Variants in ITGA9 observed in about 807,000 individuals in gnomAD.
ITGA9 encodes the protein integrin alpha-9.
Under a neutral mutation model 127.8 loss-of-function variants are expected in ITGA9, and 56 were observed. That is an observed-to-expected ratio of 0.44 (90% confidence interval 0.35 to 0.55). The LOEUF is 0.55. Among genes scored for constraint, ITGA9 ranks in the 20% least tolerant of loss-of-function variants. The pLI is 0.00. For synonymous variants in ITGA9, 508 were observed against 514.5 expected, an observed-to-expected ratio of 0.99 and a Z score of 0.17; for missense variants, 1,196 against 1,347.1, an observed-to-expected ratio of 0.89 and a Z score of 1.76.
chr3:37,506,757 A>G (rs1268941536), intron 7 of ITGA9, among the ~76,000 whole-genome samples: 1 of 152,214 alleles, frequency 6.6e-6, no homozygotes, highest in African/African-American at 2.4e-5. Flanking sequence ...TTGAGTAGGT[A>G]CAGATGGATC....
intron 23 of ITGA9, among the ~76,000 whole-genome samples, chr3:37,762,926 T>C (rs926238691): frequency 5.3e-5 from 8 of 152,206 alleles, no homozygotes; most frequent in African/African-American, 1.9e-4. Flanking sequence ...TGTTCATATT[T>C]AAGAAGCCCT....
At chr3:37,813,629 C>T (rs777533259) in intron 27 of ITGA9, among the ~76,000 whole-genome samples, 1 of 152,136 alleles carries the variant, frequency 6.6e-6, no homozygotes, top group Non-Finnish European at 1.5e-5. Flanking sequence ...TTTTCTGGTT[C>T]TTGCAAATTA....
intron 15 of ITGA9, among the ~76,000 whole-genome samples, chr3:37,568,826 C>T (rs969052826): frequency 1.3e-5 from 2 of 152,226 alleles, no homozygotes; most frequent in Non-Finnish European, 2.9e-5. Context: ...CAAAGCCATT[C>T]AACAAGTCTC....
At chr3:37,763,410 T>C (rs1405280832) in intron 23 of ITGA9, among the ~76,000 whole-genome samples, 2 of 152,184 alleles carry the variant, frequency 1.3e-5, no homozygotes, top group Non-Finnish European at 2.9e-5. Context: ...TCCCCCTTGA[T>C]TTCAGCCCTG....
intron 17 of ITGA9, among the ~76,000 whole-genome samples, chr3:37,663,916 G>T (rs993466436): frequency 2.0e-5 from 3 of 152,154 alleles, no homozygotes; most frequent in African/African-American, 7.2e-5. Context: ...ATATCCAAGT[G>T]CTTCTAAAAG....
rs527515745 is a variant in ITGA9, at chr3:37,784,920, A to G, written c.2788-57A>G. 4.9e-6 allele frequency: 7 copies of G among 1,439,688 alleles called. No individual in the cohort carries two copies. The South Asian group carries it at 8.1e-5, about 17-fold the overall frequency. The allele number at this position is 1,439,688 out of a possible 1,614,324, so 89.2% of individuals were successfully genotyped here. A position where few individuals can be genotyped will look rare whatever the true frequency, so the allele number is the denominator to read the frequency against. ...TTTCAGTTCTGCCCAGTCCCTCTCA[A>G]GGCCCAGCCATTATCATAGAAAAAT... On this transcript the variant is annotated intron_variant, in intron 25 of 27. Coordinates refer to ENST00000264741, the MANE Select transcript of ITGA9 (RefSeq NM_002207.3).
chr3:37,574,821 G>A lies in ITGA9; in HGVS notation c.1689+32236G>A, dbSNP rs967741920. Among the ~76,000 whole-genome samples, 13 of 152,156 alleles carry A rather than the reference G, an allele frequency of 8.5e-5. 2 individuals carry two copies. Among genetic ancestry groups the A allele is most frequent in the Admixed American group, 7.2e-4 (11 of 15,288 alleles). On this transcript the variant is annotated intron_variant, in intron 15 of 27. Transcript: ENST00000264741. ...GCCCTTCCGGGTGGTGAAGGTCTGA[G>A]GTCACACTGGGAGAGCAGGTCCATA...
rs954799363 is a variant in ITGA9, at chr3:37,544,997, T to C, written c.1689+2412T>C. On this transcript the variant is annotated intron_variant, in intron 15 of 27. Coordinates refer to ENST00000264741, the MANE Select transcript of ITGA9 (RefSeq NM_002207.3). The stretch of plus-strand genomic sequence containing the variant: ...GATGAGTGCTAATGGCCTAGCTAGC[T>C]GTCCACAGAGGAGGCAGCAGGCACC... Among the ~76,000 whole-genome samples the C allele has an allele frequency of 3.9e-5, 6 of 152,364 alleles. No homozygotes were observed. The East Asian group carries it at 1.2e-3, about 29-fold the overall frequency.
chr3:37,745,722 A>G (rs1329070488), intron 22 of ITGA9: 4 of 143,702 alleles, frequency 2.8e-5, no homozygotes, highest in Non-Finnish European at 6.0e-5. Context: ...CAAAAGAAAG[A>G]AATCTGAGGG....
In ITGA9 at chr3:37,558,364, A is replaced by C. The variant is rs1485815262; in HGVS notation, c.1689+15779A>C. Among the ~76,000 whole-genome samples the C allele has an allele frequency of 2.0e-5, 3 of 152,138 alleles. No individual in the cohort carries two copies. In the South Asian group the frequency reaches 6.2e-4, roughly 32 times the overall value. ...TGGTGGAGGGGAAACAAAGATTAAA[A>C]AGACTGGGCCCTGTCCTCCAACAGC... On this transcript the variant is annotated intron_variant, in intron 15 of 27. Coordinates refer to ENST00000264741, the MANE Select transcript of ITGA9 (RefSeq NM_002207.3).
chr3:37,521,892 C>T (rs963403783), intron 11 of ITGA9, among the ~76,000 whole-genome samples: 7 of 152,194 alleles, frequency 4.6e-5, no homozygotes, highest in African/African-American at 1.7e-4. Flanking sequence ...GTGTTTCCTA[C>T]AGTGTTCTGA....
intron 15 of ITGA9, among the ~76,000 whole-genome samples, chr3:37,615,650 T>C (rs1272377298): frequency 6.6e-6 from 1 of 152,234 alleles, no homozygotes; most frequent in African/African-American, 2.4e-5. Flanking sequence ...CAGAGCCTGT[T>C]ATTGGTCTAT....
chr3:37,536,868 G>A (rs761503247), intron 14 of ITGA9, among the ~76,000 whole-genome samples: 1 of 152,214 alleles, frequency 6.6e-6, no homozygotes, highest in Non-Finnish European at 1.5e-5. Flanking sequence ...GGTCATGGAC[G>A]ACCTGGGAGT....
chr3:37,532,922 A>G (rs1173192518), intron 13 of ITGA9, among the ~76,000 whole-genome samples: 4 of 152,178 alleles, frequency 2.6e-5, no homozygotes, highest in East Asian at 1.9e-4. Context: ...GTATGCATCT[A>G]TTTCTTGAAT....
chr3:37,498,101 T>A (rs925914270), intron 5 of ITGA9, among the ~76,000 whole-genome samples: 2 of 152,154 alleles, frequency 1.3e-5, no homozygotes, highest in Non-Finnish European at 2.9e-5. Context: ...AGAATGGTGG[T>A]GCCTCTGGTG....
At chr3:37,524,885 A>G (rs1699077580) in intron 12 of ITGA9, among the ~76,000 whole-genome samples, 1 of 152,222 alleles carries the variant, frequency 6.6e-6, no homozygotes, top group African/African-American at 2.4e-5. Context: ...GAAATTGACA[A>G]ATTCATCAGG....
intron 11 of ITGA9, among the ~76,000 whole-genome samples, chr3:37,521,805 A>G (rs187468212): frequency 1.3e-5 from 2 of 152,356 alleles, no homozygotes; most frequent in East Asian, 3.9e-4. Flanking sequence ...AGAAATGTGC[A>G]GACACACGTA....
intron 17 of ITGA9, among the ~76,000 whole-genome samples, chr3:37,666,602 C>G (rs1700588847): frequency 6.6e-6 from 1 of 152,226 alleles, no homozygotes; most frequent in Non-Finnish European, 1.5e-5. Flanking sequence ...ATTACTCTTA[C>G]AGTGTGGCCA....
At chr3:37,775,831 A>G (rs1696900706) in intron 23 of ITGA9, among the ~76,000 whole-genome samples, 1 of 152,226 alleles carries the variant, frequency 6.6e-6, no homozygotes. Context: ...TACTGGGTAT[A>G]TATATACCCA....
Sources: allele counts gnomAD v4.1 joint callset (sites outside exome capture counted in the v4.1 genomes callset), GRCh38; gene constraint gnomAD v4.1.1; transcripts MANE v1.5; gene names NCBI Gene and HGNC (gene_info 2026-07-23, HGNC 2026-07-21).